ACTN1: variants seen among roughly 807,000 people sequenced by gnomAD.
The protein encoded by ACTN1 is alpha-actinin-1.
A neutral mutation model predicts 119.6 loss-of-function variants in ACTN1; 30 were observed. The observed-to-expected ratio is 0.25, with a 90% CI of 0.19 to 0.34. ACTN1 has a LOEUF of 0.34. Among genes scored for constraint, ACTN1 ranks in the 10% least tolerant of loss-of-function variants. ACTN1 has a pLI of 1.00. For missense variants in ACTN1, 764 were observed against 1,223.4 expected, an observed-to-expected ratio of 0.62 and a Z score of 5.60; for synonymous variants, 429 against 472.6, an observed-to-expected ratio of 0.91 and a Z score of 1.20.
chr14:68,899,351 CCA>C (rs924543221), intron 8 of ACTN1, among the ~76,000 whole-genome samples: 4 of 146,218 alleles, frequency 2.7e-5, no homozygotes, highest in Non-Finnish European at 6.0e-5. Flanking sequence ...CTCCTACACA[CCA>C]CACACACCAG....
chr14:68,881,936 C>CTTTTTTTTTTTTTTTTTTTTTTTTT lies in ACTN1; in HGVS notation c.1953+521_1953+522insAAAAAAAAAAAAAAAAAAAAAAAAA, dbSNP rs781067137. Among the ~76,000 whole-genome samples the CTTTTTTTTTTTTTTTTTTTTTTTTT allele has an allele frequency of 1.4e-4, 8 of 58,398 alleles. 1 individual carries two copies. The highest frequency in any genetic ancestry group is 2.4e-4 in the Non-Finnish European group (8 of 33,052). The allele number at this position is 58,398 out of a possible 152,430, so 38.3% of individuals were successfully genotyped here. A position where few individuals can be genotyped will look rare whatever the true frequency, so the allele number is the denominator to read the frequency against. On this transcript the variant is annotated intron_variant, in intron 16 of 21. Transcript: ENST00000394419. ...AGTATGGGACTTTCATAGGCAGCTTCTTTTTTTTTTTTTTTTTTTGACAGA... is the reference window on the plus strand; with the variant it reads ...AGTATGGGACTTTCATAGGCAGCTTCTTTTTTTTTTTTTTTTTTTTTTTTTTTTTTTTTTTTTTTTTTTTGACAGA...
In ACTN1 at chr14:68,979,217, G is replaced by A. The variant is rs1351854581; in HGVS notation, c.-161C>T. 8.4e-6 allele frequency: 4 copies of A among 476,994 alleles called. No individual in the cohort carries two copies. The highest frequency in any genetic ancestry group is 9.0e-5 in the Admixed American group (2 of 22,186). The allele number at this position is 476,994 out of a possible 1,614,324, so 29.5% of individuals were successfully genotyped here. On this transcript the variant is annotated 5_prime_UTR_variant, in exon 1 of 22. Transcript: ENST00000394419. ...GTTCCGCCGCGGCGCTGCTGGCGAA[G>A]GCTGCTACTGGCGGCGACAGCGGCG...
intron 1 of ACTN1, among the ~76,000 whole-genome samples, chr14:68,929,171 G>T (rs146211769): frequency 6.6e-6 from 1 of 152,096 alleles, no homozygotes; most frequent in Non-Finnish European, 1.5e-5. Context: ...GTGCACCTCC[G>T]CAGAGGAGGT....
At chr14:68,906,570 G>A (rs891446430) in intron 6 of ACTN1, among the ~76,000 whole-genome samples, 3 of 152,224 alleles carry the variant, frequency 2.0e-5, no homozygotes, top group African/African-American at 7.2e-5. Flanking sequence ...AGGGCCTGGA[G>A]CAGCAGCTGC....
At chr14:68,889,783 CA>C (rs377262396) in intron 11 of ACTN1, among the ~76,000 whole-genome samples, 3,712 of 150,976 alleles carry the variant, frequency 0.025, 81 homozygotes, top group South Asian at 0.056. Context: ...AATTCCATCT[CA>C]AAAAAAAACC....
chr14:68,941,186 A>T (rs1381546430), intron 1 of ACTN1, among the ~76,000 whole-genome samples: 3 of 152,240 alleles, frequency 2.0e-5, no homozygotes, highest in African/African-American at 7.2e-5. Flanking sequence ...GACTGGCCCA[A>T]TGACAAAAGG....
intron 14 of ACTN1, chr14:68,883,271 T>G: frequency 1.8e-6 from 1 of 564,948 alleles, no homozygotes. Flanking sequence ...CTGGTCAAAT[T>G]AGCAGCAACC....
At chr14:68,966,802 A>C (rs2036722111) in intron 1 of ACTN1, among the ~76,000 whole-genome samples, 1 of 152,206 alleles carries the variant, frequency 6.6e-6, no homozygotes, top group Admixed American at 6.5e-5. Context: ...CCCAGGTTTT[A>C]CTTCCTTTAA....
Position 68,894,533 on chromosome 14 carries a change from G to A in ACTN1, c.763-786C>T, listed in dbSNP as rs986433189. Among the ~76,000 whole-genome samples, 5 of 152,164 alleles carry A rather than the reference G, an allele frequency of 3.3e-5. No homozygotes were observed. The South Asian group carries it at 8.3e-4, about 25-fold the overall frequency. On this transcript the variant is annotated intron_variant, in intron 8 of 21. Coordinates refer to ENST00000394419, the MANE Select transcript of ACTN1 (RefSeq NM_001130004.2). ...TGGGAGAGCGCCTTCTGCAGCTGTG[G>A]GGGCTACTGTACCCCTAACACCAGC...
Position 68,885,978 on chromosome 14 carries a change from C to T in ACTN1, c.1235-403G>A, listed in dbSNP as rs183641001. On this transcript the variant is annotated intron_variant, in intron 11 of 21. Transcript: ENST00000394419. This position sits in a 1 kb window ranked among gnomAD's most constrained non-coding sequence, Gnocchi z 5.6. ...GTCCCCAGTTACCGTCACTGGCTGCCGGCAGCCCTGCAGGGGCCCCTTCCC... is the reference window on the plus strand; with the variant it reads ...GTCCCCAGTTACCGTCACTGGCTGCTGGCAGCCCTGCAGGGGCCCCTTCCC... The T allele has an allele frequency of 2.8e-3, 502 of 180,788 alleles. 3 individuals are homozygous for T. Among genetic ancestry groups the T allele is most frequent in the Non-Finnish European group, 2.7e-3 (227 of 83,906 alleles). 11.2% of individuals were successfully genotyped at this position (180,788 alleles called of 1,614,324 possible).
intron 1 of ACTN1, among the ~76,000 whole-genome samples, chr14:68,958,808 G>A (rs1304181200): frequency 6.6e-6 from 1 of 152,202 alleles, no homozygotes; most frequent in Non-Finnish European, 1.5e-5. Flanking sequence ...GACTTGCCCA[G>A]GCCCAGCCCC....
At chr14:68,916,492 C>T (rs1033513732) in intron 3 of ACTN1, among the ~76,000 whole-genome samples, 1 of 152,230 alleles carries the variant, frequency 6.6e-6, no homozygotes, top group Admixed American at 6.5e-5. Context: ...GCGCCAAGCA[C>T]GAGCATAGAG....
chr14:68,951,992 G>C (rs932762870), intron 1 of ACTN1, among the ~76,000 whole-genome samples: 1 of 152,168 alleles, frequency 6.6e-6, no homozygotes, highest in Non-Finnish European at 1.5e-5. Context: ...CCCAGGGCCG[G>C]CCCTTTAAGG....
intron 2 of ACTN1, among the ~76,000 whole-genome samples, chr14:68,923,361 G>A (rs1256956217): frequency 6.6e-6 from 1 of 152,170 alleles, no homozygotes; most frequent in Non-Finnish European, 1.5e-5. Flanking sequence ...GGTGCGGGCA[G>A]GGCACAGTCC....
intron 1 of ACTN1, among the ~76,000 whole-genome samples, chr14:68,962,029 T>A (rs896772712): frequency 6.6e-6 from 1 of 152,144 alleles, no homozygotes; most frequent in African/African-American, 2.4e-5. Context: ...CTGTGGCTGG[T>A]GTGCAGCCCA....
At chr14:68,941,047 T>G (rs1035894636) in intron 1 of ACTN1, among the ~76,000 whole-genome samples, 1 of 152,124 alleles carries the variant, frequency 6.6e-6, no homozygotes, top group African/African-American at 2.4e-5. Context: ...GAGCATCAGT[T>G]CTGTCAACTG....
rs1355282219 is a variant in ACTN1 at position 68,925,990 on chromosome 14, A to G, written c.106-318T>C. On this transcript the variant is annotated intron_variant, in intron 1 of 21. Coordinates refer to ENST00000394419, the MANE Select transcript of ACTN1 (RefSeq NM_001130004.2). This position sits in a 1 kb window ranked among gnomAD's most constrained non-coding sequence, Gnocchi z 4.3. ...CCCACCCACATTTGAAAATGCCACA[A>G]TTCCATTCTTACAAGTTACCTCTTA... Among the ~76,000 whole-genome samples, 1 of 152,200 alleles carries G rather than the reference A, an allele frequency of 6.6e-6. No homozygotes were observed. Among genetic ancestry groups the G allele is most frequent in the African/African-American group, 2.4e-5 (1 of 41,438 alleles).
In ACTN1 at chr14:68,910,053, G is replaced by C. The variant is rs200796181; in HGVS notation, c.428-11C>G. 3 of 1,611,946 alleles carry C rather than the reference G, an allele frequency of 1.9e-6. No homozygotes were observed. The highest frequency in any genetic ancestry group is 8.5e-7 in the Non-Finnish European group (1 of 1,178,618). ...CCTTGGCTGAAGTCTCTATGGGGAA[G>C]GGGATGGGCAGCGAGGTCAGAGGGC... is the stretch of plus-strand genomic sequence containing the variant. On this transcript the variant is annotated splice_polypyrimidine_tract_variant and intron_variant, in intron 4 of 21. Transcript: ENST00000394419.
At chr14:68,906,171 A>G (rs995248236) in intron 6 of ACTN1, among the ~76,000 whole-genome samples, 7 of 152,190 alleles carry the variant, frequency 4.6e-5, no homozygotes, top group African/African-American at 1.7e-4. Context: ...CAGTTGTACA[A>G]TAATGTGAGT....
Sources: allele counts gnomAD v4.1 joint callset (sites outside exome capture counted in the v4.1 genomes callset), GRCh38; gene constraint gnomAD v4.1.1; non-coding constraint Gnocchi (gnomAD v3.1); transcripts MANE v1.5; gene names NCBI Gene and HGNC (gene_info 2026-07-23, HGNC 2026-07-21).